SHTN1: variants seen among roughly 807,000 people sequenced by gnomAD.
The protein encoded by SHTN1 is shootin-1.
Under a neutral mutation model 83.1 loss-of-function variants are expected in SHTN1, and 42 were observed. That is an observed-to-expected ratio of 0.51 (90% CI 0.39 to 0.65). The LOEUF (loss-of-function observed/expected upper bound fraction) is 0.65, where lower values mean the gene tolerates loss of function less well. SHTN1 is among the 30% of genes least tolerant of loss of function. SHTN1 has a pLI of 0.00. For missense variants in SHTN1, 622 were observed against 737.8 expected, an observed-to-expected ratio of 0.84 and a Z score of 1.82; for synonymous variants, 224 against 247.7, an observed-to-expected ratio of 0.90 and a Z score of 0.90.
In SHTN1 at chr10:116,881,501, G is replaced by A. The variant is rs1372783708; in HGVS notation, c.*4843C>T. ...ATTGGATTAGACAGTAAACTTTATTGTTACTTTAAATAGGTTTCAAAGAAG... is the reference window on the plus strand; with the variant it reads ...ATTGGATTAGACAGTAAACTTTATTATTACTTTAAATAGGTTTCAAAGAAG... On this transcript the variant is annotated 3_prime_UTR_variant, in exon 17 of 17. Transcript: ENST00000355371. 4 of 1,525,348 alleles carry A rather than the reference G, an allele frequency of 2.6e-6. No individual in the cohort carries two copies. Among genetic ancestry groups the A allele is most frequent in the South Asian group, 1.3e-5 (1 of 79,844 alleles). The allele number at this position is 1,525,348 out of a possible 1,614,324, so 94.5% of individuals were successfully genotyped here. A position where few individuals can be genotyped will look rare whatever the true frequency, so the allele number is the denominator to read the frequency against.
At chr10:117,057,110 G>A (rs1321559167) in intron 1 of SHTN1, among the ~76,000 whole-genome samples, 4 of 152,084 alleles carry the variant, frequency 2.6e-5, no homozygotes, top group African/African-American at 7.2e-5. Flanking sequence ...TGTTTACATA[G>A]AAAATCTCAA....
At chr10:117,098,456 G>C (rs1034053239) in intron 1 of SHTN1, among the ~76,000 whole-genome samples, 7 of 150,946 alleles carry the variant, frequency 4.6e-5, no homozygotes, top group African/African-American at 7.3e-5. Context: ...CTGTGGAATA[G>C]GAGATTCTAA....
chr10:117,063,018 C>G (rs763140804), intron 1 of SHTN1, among the ~76,000 whole-genome samples: 3 of 152,132 alleles, frequency 2.0e-5, no homozygotes, highest in African/African-American at 7.2e-5. Flanking sequence ...ATAATACTAA[C>G]CATAAATGGA....
intron 1 of SHTN1, among the ~76,000 whole-genome samples, chr10:117,078,433 T>A (rs1853195789): frequency 6.6e-6 from 1 of 152,188 alleles, no homozygotes; most frequent in Non-Finnish European, 1.5e-5. Context: ...TGACATTTAC[T>A]CTCGCTATGA....
chr10:117,052,943 C>T (rs1230571981), intron 1 of SHTN1, among the ~76,000 whole-genome samples: 1 of 137,476 alleles, frequency 7.3e-6, no homozygotes, highest in African/African-American at 2.7e-5. Flanking sequence ...TGGCGTGAAC[C>T]TAGGAGGTGG....
At chr10:117,050,305 A>T (rs959636322) in intron 1 of SHTN1, among the ~76,000 whole-genome samples, 1 of 152,226 alleles carries the variant, frequency 6.6e-6, no homozygotes, top group African/African-American at 2.4e-5. Context: ...ATCAGGAATA[A>T]TACAGAAGAT....
intron 1 of SHTN1, among the ~76,000 whole-genome samples, chr10:116,983,271 G>A (rs1441906924): frequency 6.6e-6 from 1 of 152,002 alleles, no homozygotes; most frequent in Non-Finnish European, 1.5e-5. Flanking sequence ...ATATAAAAGA[G>A]TATTTGGGCT....
intron 16 of SHTN1, among the ~76,000 whole-genome samples, chr10:116,899,858 C>T (rs1042866145): frequency 3.3e-5 from 5 of 152,114 alleles, no homozygotes; most frequent in African/African-American, 1.2e-4. Context: ...TCAAAGCCAG[C>T]CAGACACAGC....
At chr10:116,922,353 A>G (rs1325869212) in intron 11 of SHTN1, among the ~76,000 whole-genome samples, 1 of 152,108 alleles carries the variant, frequency 6.6e-6, no homozygotes, top group East Asian at 1.9e-4. Context: ...TTCCCAAACC[A>G]AACAGGATAT....
intron 9 of SHTN1, among the ~76,000 whole-genome samples, chr10:116,939,340 T>G (rs1428548422): frequency 6.6e-6 from 1 of 152,126 alleles, no homozygotes; most frequent in Non-Finnish European, 1.5e-5. Context: ...GCAAAGATGG[T>G]GGGAAAAGCG....
chr10:117,008,898 G>A (rs1220369945), upstream of SHTN1, among the ~76,000 whole-genome samples: 1 of 152,208 alleles, frequency 6.6e-6, no homozygotes, highest in Non-Finnish European at 1.5e-5. Flanking sequence ...TGGATCACCG[G>A]AGGTCAGGAG....
intron 11 of SHTN1, among the ~76,000 whole-genome samples, chr10:116,927,550 A>C (rs956612153): frequency 6.6e-6 from 1 of 152,194 alleles, no homozygotes; most frequent in South Asian, 2.1e-4. Context: ...TATCATGAGA[A>C]TAGCATGGAA....
chr10:117,018,568 AT>A (rs36032476), intron 2 of SHTN1, among the ~76,000 whole-genome samples: 1,869 of 31,136 alleles, frequency 0.06, 21 homozygotes, highest in African/African-American at 0.09. Flanking sequence ...TGCTCTCACC[AT>A]TTTTTTTTTT....
At chr10:116,958,098 C>T (rs766951464) in intron 4 of SHTN1, among the ~76,000 whole-genome samples, 13 of 152,122 alleles carry the variant, frequency 8.5e-5, no homozygotes, top group Middle Eastern at 3.2e-3. Flanking sequence ...CAAGCTGCAT[C>T]ATCAGAATTA....
intron 2 of SHTN1, among the ~76,000 whole-genome samples, chr10:117,027,482 T>C (rs1852348785): frequency 7.3e-6 from 1 of 137,706 alleles, no homozygotes; most frequent in South Asian, 2.6e-4. Context: ...TTTAAATAAA[T>C]TACCCAGTCT....
chr10:116,925,708 G>A (rs2133371814), intron 11 of SHTN1, among the ~76,000 whole-genome samples: 1 of 152,286 alleles, frequency 6.6e-6, no homozygotes, highest in Non-Finnish European at 1.5e-5. Flanking sequence ...CATAGAACCT[G>A]TCCTACTTTC....
rs1356381432 is a variant in SHTN1 at position 116,948,913 on chromosome 10, T to C, written c.616+3A>G. The C allele has an allele frequency of 7.7e-6, 12 of 1,559,126 alleles. No homozygotes were observed. Among genetic ancestry groups the C allele is most frequent in the Admixed American group, 1.9e-5 (1 of 51,364 alleles). ...TTGAGAAAAAAAGACTGGACAGACT[T>C]ACCTCTATTGCATTTTTCTAAGACT... On this transcript the variant is annotated splice_donor_region_variant and intron_variant, in intron 7 of 16. Transcript: ENST00000355371.
intron 16 of SHTN1, among the ~76,000 whole-genome samples, chr10:116,898,459 T>C (rs1173399652): frequency 1.3e-5 from 2 of 152,122 alleles, no homozygotes; most frequent in Non-Finnish European, 2.9e-5. Context: ...CAGAAGAGCA[T>C]GAAAGCAAAA....
intron 11 of SHTN1, among the ~76,000 whole-genome samples, chr10:116,923,100 G>A (rs1332318274): frequency 1.3e-5 from 2 of 152,064 alleles, no homozygotes; most frequent in Non-Finnish European, 2.9e-5. Context: ...TACATATTAG[G>A]CAAGAAAATT....
Sources: allele counts gnomAD v4.1 joint callset (sites outside exome capture counted in the v4.1 genomes callset), GRCh38; gene constraint gnomAD v4.1.1; transcripts MANE v1.5; gene names NCBI Gene and HGNC (gene_info 2026-07-23, HGNC 2026-07-21).